Variants in RETREG1 observed in about 807,000 individuals in gnomAD.
RETREG1 encodes the protein family with sequence similarity 134 member B.
Under a neutral mutation model 54.8 loss-of-function variants are expected in RETREG1, and 44 were observed. The observed-to-expected ratio is 0.80, with a 90% CI of 0.63 to 1.03. RETREG1 has a LOEUF of 1.03. Among genes scored for constraint, RETREG1 ranks in the 50% least tolerant of loss-of-function variants. The pLI is 0.00. For synonymous variants in RETREG1, 217 were observed against 238.5 expected (o/e 0.91, Z 0.83); for missense variants, 554 against 605.1 (o/e 0.92, Z 0.89).
rs185865707 is a variant in RETREG1 at position 16,482,639 on chromosome 5, G to A, written c.585+707C>T. On this transcript the variant is annotated intron_variant, in intron 4 of 8. Coordinates refer to ENST00000306320, the MANE Select transcript of RETREG1 (RefSeq NM_001034850.3). ...ATTCCTAGCTCTTCATTCTATCCACGGGTGGATATTCAAGGAGCTTGAAAG... is the reference window on the plus strand; with the variant it reads ...ATTCCTAGCTCTTCATTCTATCCACAGGTGGATATTCAAGGAGCTTGAAAG... 1.6e-4 allele frequency among the ~76,000 whole-genome samples: 25 copies of A among 152,052 alleles called. No homozygotes were observed. In the East Asian group the frequency reaches 1.7e-3, roughly 11 times the overall value.
At chr5:16,485,597 C>A (rs1738984398) in intron 3 of RETREG1, among the ~76,000 whole-genome samples, 1 of 152,080 alleles carries the variant, frequency 6.6e-6, no homozygotes. Context: ...TTTATTACTG[C>A]TTAAGTAAAT....
chr5:16,503,049 A>G (rs756054892), intron 3 of RETREG1, among the ~76,000 whole-genome samples: 10 of 152,238 alleles, frequency 6.6e-5, no homozygotes, highest in Non-Finnish European at 1.3e-4. Context: ...CACCTTCATC[A>G]CATTTTACAA....
rs140488868 is a variant in RETREG1, at chr5:16,508,477, C to G, written c.459-25005G>C. 1,792 of 1,154,002 alleles carry G rather than the reference C, an allele frequency of 1.6e-3. 24 individuals are homozygous for G. The African/African-American group carries it at 0.023, about 15-fold the overall frequency. The allele number at this position is 1,154,002 out of a possible 1,614,324, so 71.5% of individuals were successfully genotyped here. On this transcript the variant is annotated intron_variant, in intron 3 of 8. Transcript: ENST00000306320. ...AAGGACTGCATTCTTCATATTTTTA[C>G]ATTTTAAACTCCTTTTTAAATTAGT...
intron 3 of RETREG1, among the ~76,000 whole-genome samples, chr5:16,544,767 T>A (rs1006382242): frequency 6.6e-6 from 1 of 152,220 alleles, no homozygotes; most frequent in Non-Finnish European, 1.5e-5. Context: ...TCTGCTTTGT[T>A]CCACTGATCT....
At chr5:16,612,688 T>C (rs1229080135) in intron 1 of RETREG1, among the ~76,000 whole-genome samples, 1 of 152,228 alleles carries the variant, frequency 6.6e-6, no homozygotes, top group Non-Finnish European at 1.5e-5. Flanking sequence ...AGGCACTCTA[T>C]GTGGCCTCTA....
chr5:16,568,064 G>A (rs939869538), intron 2 of RETREG1, among the ~76,000 whole-genome samples: 22 of 152,144 alleles, frequency 1.4e-4, no homozygotes, highest in Non-Finnish European at 3.1e-4. Context: ...GTTTCAGGAT[G>A]CAGGAGGAGT....
At chr5:16,505,329 C>T (rs890909585) in intron 3 of RETREG1, among the ~76,000 whole-genome samples, 7 of 152,130 alleles carry the variant, frequency 4.6e-5, no homozygotes, top group South Asian at 2.1e-4. Flanking sequence ...CCAGCCTGCA[C>T]GCCAGGTACT....
intron 4 of RETREG1, among the ~76,000 whole-genome samples, chr5:16,482,569 A>AT (rs1369166707): frequency 6.6e-6 from 1 of 152,042 alleles, no homozygotes; most frequent in African/African-American, 2.4e-5. Context: ...TGAAGTTACG[A>AT]TATTGCCTAT....
intron 3 of RETREG1, among the ~76,000 whole-genome samples, chr5:16,487,052 T>A (rs1476635143): frequency 6.6e-6 from 1 of 152,176 alleles, no homozygotes; most frequent in Non-Finnish European, 1.5e-5. Context: ...ATCTTTTCCA[T>A]GGTGTGTAGC....
intron 3 of RETREG1, among the ~76,000 whole-genome samples, chr5:16,524,873 C>T (rs693889): frequency 0.076 from 4,997 of 65,336 alleles, 423 homozygotes; most frequent in South Asian, 0.2. Context: ...CGGGGGACAC[C>T]GTGCTGACCT....
chr5:16,474,705 G>GTGTTTTTTT lies in RETREG1; in HGVS notation c.*35_*36insAAAAAAACA. On this transcript the variant is annotated 3_prime_UTR_variant, in exon 9 of 9. Coordinates refer to ENST00000306320, the MANE Select transcript of RETREG1 (RefSeq NM_001034850.3). ...TTTTTTCTTGTTTGAAATTTTTTTGGTGTTTTTTGTGCTCTGTTGCAAGCT... is the reference window on the plus strand; with the variant it reads ...TTTTTTCTTGTTTGAAATTTTTTTGGTGTTTTTTTTGTTTTTTGTGCTCTGTTGCAAGCT... 3.4e-6 allele frequency: 5 copies of GTGTTTTTTT among 1,453,208 alleles called. No individual in the cohort carries two copies. Among genetic ancestry groups the GTGTTTTTTT allele is most frequent in the South Asian group, 3.1e-5 (2 of 64,130 alleles). 90.0% of individuals were successfully genotyped at this position (1,453,208 alleles called of 1,614,324 possible).
intron 3 of RETREG1, among the ~76,000 whole-genome samples, chr5:16,535,054 C>T (rs1282241809): frequency 6.6e-6 from 1 of 152,182 alleles, no homozygotes; most frequent in East Asian, 1.9e-4. Context: ...CTTAAAGACA[C>T]ATTTTGCTAA....
intron 3 of RETREG1, among the ~76,000 whole-genome samples, chr5:16,513,787 T>C (rs1432437089): frequency 2.6e-5 from 4 of 152,194 alleles, no homozygotes; most frequent in Non-Finnish European, 5.9e-5. Context: ...ATGCTCCTTC[T>C]CCCACGGGAG....
At chr5:16,527,430 T>C (rs886322000) in intron 3 of RETREG1, among the ~76,000 whole-genome samples, 1 of 152,232 alleles carries the variant, frequency 6.6e-6, no homozygotes, top group African/African-American at 2.4e-5. Flanking sequence ...GCCATGTGTT[T>C]GTGATCTTAC....
At chr5:16,539,456 A>G (rs1056463582) in intron 3 of RETREG1, among the ~76,000 whole-genome samples, 1 of 152,086 alleles carries the variant, frequency 6.6e-6, no homozygotes, top group Non-Finnish European at 1.5e-5. Context: ...TTTCCAGAAC[A>G]TGTTTCATAA....
At position 16,616,880 on chromosome 5, in the gene RETREG1, T is replaced by G; in HGVS notation, c.92A>C (p.Gln31Pro). Residue 31 changes from glutamine (Q) to proline (P), a missense_variant, in exon 1 of 9, where the codon CAG (glutamine) becomes CCG (proline). Transcript: ENST00000306320. ...CTGCTGCCGCTCTGCGGGGGATGCC[T>G]GGGGCGGTGGCGGCGACGGCGGCGC... Reference protein sequence around the residue: ...EQAPPSPPPPQASPAERQQQE... With the variant: ...EQAPPSPPPPPASPAERQQQE... 6.7e-7 allele frequency: 1 copy of G among 1,486,720 alleles called. No homozygotes were observed. Among genetic ancestry groups the G allele is most frequent in the South Asian group, 1.3e-5 (1 of 79,078 alleles). 92.1% of individuals were successfully genotyped at this position (1,486,720 alleles called of 1,614,324 possible).
At chr5:16,552,546 TTGTC>T (rs1438549506) in intron 3 of RETREG1, among the ~76,000 whole-genome samples, 2 of 152,198 alleles carry the variant, frequency 1.3e-5, no homozygotes, top group African/African-American at 2.4e-5. Flanking sequence ...CTTAGCTTGT[TTGTC>T]AACTAAAAAA....
intron 3 of RETREG1, among the ~76,000 whole-genome samples, chr5:16,563,382 C>T (rs552828467): frequency 6.6e-6 from 1 of 152,164 alleles, no homozygotes; most frequent in Non-Finnish European, 1.5e-5. Flanking sequence ...CTCAGCCTCC[C>T]AAGTAGCTCA....
chr5:16,541,271 G>C (rs975285916), intron 3 of RETREG1, among the ~76,000 whole-genome samples: 2 of 152,164 alleles, frequency 1.3e-5, no homozygotes, highest in East Asian at 1.9e-4. Flanking sequence ...CCAGAACAGT[G>C]AGCAATAAAT....
Sources: gnomAD v4.1 joint callset for allele counts (sites outside exome capture counted in the v4.1 genomes callset) on GRCh38, gnomAD v4.1.1 for gene constraint, MANE v1.5 for transcripts, NCBI Gene and HGNC (gene_info 2026-07-23, HGNC 2026-07-21) for gene names.